The following KAT6B variants were observed in gnomAD, a reference collection of about 807,000 sequenced individuals.
The protein encoded by KAT6B is histone acetyltransferase KAT6B.
In KAT6B, 10 loss-of-function variants were observed where a neutral mutation model predicts 187.5. The observed-to-expected ratio is 0.05, with a 90% CI of 0.03 to 0.09. The LOEUF is 0.09. Among genes scored for constraint, KAT6B ranks in the 10% least tolerant of loss-of-function variants. KAT6B has a pLI of 1.00. For missense variants in KAT6B, 1,952 were observed against 2,558.9 expected (o/e 0.76, Z 5.12); for synonymous variants, 861 against 926.8 (o/e 0.93, Z 1.29).
intron 3 of KAT6B, among the ~76,000 whole-genome samples, chr10:74,911,685 G>T (rs1847213087): frequency 6.6e-6 from 1 of 151,814 alleles, no homozygotes; most frequent in Non-Finnish European, 1.5e-5. Context: ...TTAATACTTT[G>T]TAATATTTGA....
chr10:74,934,062 T>G (rs991843462), intron 3 of KAT6B, among the ~76,000 whole-genome samples: 10 of 151,562 alleles, frequency 6.6e-5, no homozygotes, highest in Middle Eastern at 3.2e-3. Context: ...GGCAGGTACC[T>G]ATAATCCCAG....
chr10:74,925,879 G>A (rs904895688), intron 3 of KAT6B, among the ~76,000 whole-genome samples: 2 of 152,102 alleles, frequency 1.3e-5, no homozygotes, highest in Admixed American at 6.5e-5. Context: ...TAGAGTGTGT[G>A]CAGGAGCCAG....
At chr10:74,928,349 C>T (rs1848641547) in intron 3 of KAT6B, among the ~76,000 whole-genome samples, 2 of 152,174 alleles carry the variant, frequency 1.3e-5, no homozygotes, top group African/African-American at 4.8e-5. Flanking sequence ...ATTCAGTCCC[C>T]TCTCTCAAGA....
Position 74,975,526 on chromosome 10 carries a change from A to C in KAT6B, c.1189A>C (p.Ser397Arg), listed in dbSNP as rs1842093971. ...TGCTGCATCTGGGAAGGACTCAAGC[A>C]GCAGATTGGCTGTTACAGACCCCAC... is the stretch of plus-strand genomic sequence containing the variant. The part of the protein sequence containing the change: ...GHAASGKDSS[S>R]RLAVTDPTRP... The change falls in exon 8 of 18, where the codon AGC (serine) becomes CGC (arginine). Residue 397 changes from serine to arginine, a missense_variant. Coordinates refer to ENST00000287239, the MANE Select transcript of KAT6B (RefSeq NM_012330.4). The C allele has an allele frequency of 1.2e-6, 2 of 1,614,018 alleles. No individual in the cohort carries two copies. The highest frequency in any genetic ancestry group is 2.7e-5 in the African/African-American group (2 of 74,902).
At chr10:74,907,170 A>G (rs1322719197) in intron 3 of KAT6B, among the ~76,000 whole-genome samples, 1 of 152,220 alleles carries the variant, frequency 6.6e-6, no homozygotes, top group Non-Finnish European at 1.5e-5. Flanking sequence ...TTCAGGATAC[A>G]TTCCTTTCAC....
intron 3 of KAT6B, among the ~76,000 whole-genome samples, chr10:74,854,372 C>A (rs1223408569): frequency 6.6e-6 from 1 of 152,040 alleles, no homozygotes; most frequent in South Asian, 2.1e-4. Context: ...AAGCACTTTA[C>A]CAGAGAAGTC....
At chr10:74,939,307 G>A (rs1849491143) in intron 3 of KAT6B, among the ~76,000 whole-genome samples, 1 of 152,186 alleles carries the variant, frequency 6.6e-6, no homozygotes, top group African/African-American at 2.4e-5. Context: ...GGTGCTTGTG[G>A]AGGTACAGCT....
intron 12 of KAT6B, among the ~76,000 whole-genome samples, chr10:74,987,023 T>G (rs1395321030): frequency 6.6e-6 from 1 of 152,198 alleles, no homozygotes; most frequent in Non-Finnish European, 1.5e-5. Flanking sequence ...AGCTCAACTT[T>G]TCTCATAGTT....
intron 1 of KAT6B, among the ~76,000 whole-genome samples, chr10:74,832,611 C>T (rs1840941552): frequency 6.6e-6 from 1 of 151,986 alleles, no homozygotes; most frequent in African/African-American, 2.4e-5. Flanking sequence ...AAGCAATTTT[C>T]CTGCCTCAGC....
At chr10:74,981,678 A>G (rs1811658118) in intron 10 of KAT6B, 109 bp from the exon 11 acceptor site, 2 of 853,112 alleles carry the variant, frequency 2.3e-6, no homozygotes, top group South Asian at 1.4e-5. Context: ...CCAGCCTCCA[A>G]TGTTATTATA....
At chr10:74,839,215 A>G (rs528757986) in intron 2 of KAT6B, among the ~76,000 whole-genome samples, 2 of 148,516 alleles carry the variant, frequency 1.3e-5, no homozygotes, top group Non-Finnish European at 3.0e-5. Flanking sequence ...TTAGGTATCT[A>G]TTAGTTATGA....
At chr10:74,874,184 A>G (rs926664649) in intron 3 of KAT6B, among the ~76,000 whole-genome samples, 7 of 152,216 alleles carry the variant, frequency 4.6e-5, no homozygotes, top group Non-Finnish European at 1.0e-4. Context: ...AAAAATTGGA[A>G]AGGCACATAC....
upstream of KAT6B, among the ~76,000 whole-genome samples, chr10:74,826,397 T>G (rs1171128609): frequency 6.6e-6 from 1 of 151,446 alleles, no homozygotes. Flanking sequence ...GAGGGGGGGA[T>G]GATGGGTCGA....
intron 13 of KAT6B, among the ~76,000 whole-genome samples, chr10:75,019,409 C>G (rs917056046): frequency 2.0e-5 from 3 of 152,112 alleles, no homozygotes; most frequent in African/African-American, 7.2e-5. Context: ...TTTTGAGATG[C>G]AGGAAAATGC....
chr10:75,011,187 C>G (rs952829362), intron 13 of KAT6B, among the ~76,000 whole-genome samples: 19 of 151,912 alleles, frequency 1.3e-4, no homozygotes, highest in African/African-American at 4.4e-4. Context: ...AAAACTATTT[C>G]TTTTTTTAAT....
chr10:74,875,474 CTTTTTTT>C (rs553387866), intron 3 of KAT6B, among the ~76,000 whole-genome samples: 12 of 138,982 alleles, frequency 8.6e-5, no homozygotes, highest in African/African-American at 2.1e-4. Context: ...TCCTTTTTTT[CTTTTTTT>C]TTTTTTTTCC....
chr10:74,896,883 C>T (rs2132706793), intron 3 of KAT6B, among the ~76,000 whole-genome samples: 1 of 152,220 alleles, frequency 6.6e-6, no homozygotes, highest in South Asian at 2.1e-4. Context: ...TGTACTAATG[C>T]CCAAATTATC....
At chr10:74,866,600 G>T (rs1210971980) in intron 3 of KAT6B, among the ~76,000 whole-genome samples, 3 of 151,990 alleles carry the variant, frequency 2.0e-5, no homozygotes, top group Non-Finnish European at 4.4e-5. Context: ...TAAAAAAAAG[G>T]AGTCTATATC....
At chr10:75,006,243 T>G (rs1024939547) in intron 13 of KAT6B, among the ~76,000 whole-genome samples, 1 of 152,182 alleles carries the variant, frequency 6.6e-6, no homozygotes, top group Non-Finnish European at 1.5e-5. Flanking sequence ...GATAAAAAAT[T>G]GCAATTTATT....
Sources: allele counts gnomAD v4.1 joint callset (sites outside exome capture counted in the v4.1 genomes callset), GRCh38; gene constraint gnomAD v4.1.1; transcripts MANE v1.5; gene names NCBI Gene and HGNC (gene_info 2026-07-23, HGNC 2026-07-21).